Variants in SUN5 observed in about 807,000 individuals in gnomAD.
The protein encoded by SUN5 is Sad1 and UNC84 domain containing 5.
A neutral mutation model predicts 53.7 loss-of-function variants in SUN5; 44 were observed. The observed-to-expected ratio is 0.82, with a 90% CI of 0.64 to 1.05. The LOEUF (loss-of-function observed/expected upper bound fraction) is 1.05, where lower values mean the gene tolerates loss of function less well. SUN5 is among the 50% of genes least tolerant of loss of function. The pLI is 0.00. For missense variants in SUN5, 433 were observed against 483.8 expected, an observed-to-expected ratio of 0.90 and a Z score of 0.98; for synonymous variants, 166 against 179.8, an observed-to-expected ratio of 0.92 and a Z score of 0.62.
chr20:32,993,059 A>G (rs547865117), intron 8 of SUN5, among the ~76,000 whole-genome samples: 2 of 151,732 alleles, frequency 1.3e-5, no homozygotes, highest in Admixed American at 6.6e-5. Flanking sequence ...GCCAAGATCA[A>G]TAAGTATATA....
chr20:33,000,908 A>G (rs529068243), intron 4 of SUN5, among the ~76,000 whole-genome samples: 1 of 151,738 alleles, frequency 6.6e-6, no homozygotes, highest in South Asian at 2.1e-4. Context: ...AGGAATAGGA[A>G]TGGTGTGCCC....
chr20:32,993,469 T>C (rs1422017693), intron 8 of SUN5, among the ~76,000 whole-genome samples: 1 of 152,244 alleles, frequency 6.6e-6, no homozygotes, highest in Non-Finnish European at 1.5e-5. Flanking sequence ...AAGTTCTTAA[T>C]GGTGACAAAG....
At chr20:32,997,810 G>T in intron 5 of SUN5, 123 bp from the exon 6 acceptor site, 1 of 938,248 alleles carries the variant, frequency 1.1e-6, no homozygotes. Flanking sequence ...TGCAACACTG[G>T]GGGAATTACT....
chr20:32,984,477 C>G (rs1019672132), intron 12 of SUN5, among the ~76,000 whole-genome samples: 2 of 152,132 alleles, frequency 1.3e-5, no homozygotes. Flanking sequence ...AAAAGTGGGG[C>G]GGGCTTGGCC....
intron 8 of SUN5, among the ~76,000 whole-genome samples, chr20:32,990,291 C>T (rs945903550): frequency 6.6e-6 from 1 of 152,174 alleles, no homozygotes; most frequent in African/African-American, 2.4e-5. Flanking sequence ...GGCCCTTAAC[C>T]GCTCCACTCT....
Position 32,989,635 on chromosome 20 carries a change from CAA to C in SUN5, c.596_597del (p.Phe199CysfsTer10). The C allele has an allele frequency of 6.2e-7, 1 of 1,614,008 alleles. No homozygotes were observed. Among genetic ancestry groups the C allele is most frequent in the Non-Finnish European group, 8.5e-7 (1 of 1,179,984 alleles). On this transcript the variant is annotated frameshift_variant, in exon 9 of 13. Coordinates refer to ENST00000356173, the MANE Select transcript of SUN5 (RefSeq NM_080675.4). LOFTEE classifies it high-confidence loss of function. Reference sequence around the variant, plus strand: ...GGTCACCTACCTATAGACTTCAGGGCAAAGTCTGGCTTTTCGATGTAATCTCC... The same window carrying C: ...GGTCACCTACCTATAGACTTCAGGGCAGTCTGGCTTTTCGATGTAATCTCC... Reference protein sequence around the residue: ...IHGDYIEKPDFALKSIGASID... With the variant: ...IHGDYIEKPDXALKSIGASID...
At chr20:32,989,213 C>T (rs1313752653) in intron 9 of SUN5, among the ~76,000 whole-genome samples, 2 of 152,214 alleles carry the variant, frequency 1.3e-5, no homozygotes, top group African/African-American at 4.8e-5. Flanking sequence ...GCGTGAGCCA[C>T]CACACCTGGC....
At chr20:32,990,317 T>G (rs1989678196) in intron 8 of SUN5, among the ~76,000 whole-genome samples, 1 of 152,226 alleles carries the variant, frequency 6.6e-6, no homozygotes, top group Non-Finnish European at 1.5e-5. Context: ...CAGATGCGGA[T>G]GGCAAAGCAC....
intron 3 of SUN5, 105 bp from the exon 4 acceptor site, chr20:33,001,383 G>A: frequency 1.5e-6 from 2 of 1,294,036 alleles, no homozygotes; most frequent in Admixed American, 4.0e-5. Context: ...GGAGCTGGGA[G>A]ACCCTCTCGA....
intron 9 of SUN5, 134 bp from the exon 10 acceptor site, chr20:32,987,909 G>T: frequency 1.6e-6 from 1 of 627,986 alleles, no homozygotes; most frequent in Non-Finnish European, 2.8e-6. Flanking sequence ...TCTAGGAAAT[G>T]TGATTACAGC....
At chr20:32,985,035 C>T (rs1376352387) in intron 12 of SUN5, 64 bp downstream of exon 12, 1 of 1,553,048 alleles carries the variant, frequency 6.4e-7, no homozygotes, top group African/African-American at 1.4e-5. Context: ...GAGGGGGTCC[C>T]TGGGTACAGA....
chr20:32,984,870 C>T (rs1480716624), intron 12 of SUN5, among the ~76,000 whole-genome samples: 2 of 152,204 alleles, frequency 1.3e-5, no homozygotes, highest in Non-Finnish European at 1.5e-5. Context: ...CTCCTGGGCT[C>T]ATCAGGAAAA....
intron 10 of SUN5, 84 bp downstream of exon 10, chr20:32,987,576 C>G (rs1244712069): frequency 2.6e-6 from 3 of 1,156,442 alleles, no homozygotes; most frequent in Non-Finnish European, 3.7e-6. Flanking sequence ...GCTCCCACCC[C>G]CTACCTCTTC....
chr20:32,985,063 A>G lies in SUN5; in HGVS notation c.984+36T>C, dbSNP rs1362408647. ...GGTACAGACTGCACACTGTGCATTC[A>G]GCAGGTGCTCAGCACAGGCAGCTCT... is the stretch of plus-strand genomic sequence containing the variant. On this transcript the variant is annotated intron_variant, in intron 12 of 12. Coordinates refer to ENST00000356173, the MANE Select transcript of SUN5 (RefSeq NM_080675.4). 1.9e-6 allele frequency: 3 copies of G among 1,599,268 alleles called. No homozygotes were observed. The East Asian group carries it at 6.7e-5, about 36-fold the overall frequency.
At position 32,999,835 on chromosome 20, in the gene SUN5, C is replaced by T. The variant is rs181122327; in HGVS notation, c.340+239G>A. 628 of 1,369,516 alleles carry T rather than the reference C, an allele frequency of 4.6e-4. 4 individuals carry two copies. The Middle Eastern group carries it at 6.1e-3, about 13-fold the overall frequency. The allele number at this position is 1,369,516 out of a possible 1,614,324, so 84.8% of individuals were successfully genotyped here. ...AAAGAAGCCATGGAAACCCAGAAAG[C>T]GGAAGTAACAATGTTCATAACACGG... On this transcript the variant is annotated intron_variant, in intron 5 of 12. Transcript: ENST00000356173.
intron 6 of SUN5, 58 bp from the exon 7 acceptor site, chr20:32,996,416 G>A (rs897952781): frequency 6.7e-7 from 1 of 1,502,304 alleles, no homozygotes. Context: ...CTGGCCCCAG[G>A]AGAACTTCAT....
chr20:32,988,632 A>C (rs2146325531), intron 9 of SUN5, among the ~76,000 whole-genome samples: 1 of 152,076 alleles, frequency 6.6e-6, no homozygotes, highest in East Asian at 1.9e-4. Context: ...TCTGTTGCCC[A>C]GGCTGGAGTG....
intron 6 of SUN5, among the ~76,000 whole-genome samples, chr20:32,996,915 A>G (rs1217220011): frequency 6.6e-6 from 1 of 152,152 alleles, no homozygotes; most frequent in Non-Finnish European, 1.5e-5. Context: ...CAGTCATCCA[A>G]CATGGATAGT....
At position 33,001,555 on chromosome 20, in the gene SUN5, TTTC is replaced by T. The variant is rs1568970911; in HGVS notation, c.212-280_212-278del. 4.6e-4 allele frequency among the ~76,000 whole-genome samples: 64 copies of T among 138,484 alleles called. 1 individual carries two copies. The highest frequency in any genetic ancestry group is 6.9e-4 in the Non-Finnish European group (46 of 67,070). The allele number at this position is 138,484 out of a possible 152,430, so 90.9% of individuals were successfully genotyped here. ...CTTTCTTTCTTTCTTTCTTTCTTTCTTTCTTTCTTTTCTTCCTTCCTTCCTTTC... is the reference window on the plus strand; with the variant it reads ...CTTTCTTTCTTTCTTTCTTTCTTTCTTTTCTTTTCTTCCTTCCTTCCTTTC... On this transcript the variant is annotated intron_variant, in intron 3 of 12. Coordinates refer to ENST00000356173, the MANE Select transcript of SUN5 (RefSeq NM_080675.4).
Sources: allele counts gnomAD v4.1 joint callset (sites outside exome capture counted in the v4.1 genomes callset), GRCh38; gene constraint gnomAD v4.1.1; transcripts MANE v1.5; gene names NCBI Gene and HGNC (gene_info 2026-07-23, HGNC 2026-07-21).